The following BCL9 variants were observed in gnomAD, a reference collection of about 807,000 sequenced individuals.
BCL9 encodes BCL9 transcription coactivator, also known as B-cell CLL/lymphoma 9 protein.
BCL9 carries 25 observed loss-of-function variants against 88.5 expected under a neutral mutation model. The observed-to-expected ratio is 0.28, with a 90% CI of 0.21 to 0.39. The LOEUF is 0.39. BCL9 is among the 10% of genes least tolerant of loss of function. The pLI is 1.00. For missense variants in BCL9, 1,817 were observed against 1,877.8 expected (o/e 0.97, Z 0.60); for synonymous variants, 711 against 673.3 (o/e 1.06, Z -0.87).
intron 1 of BCL9, among the ~76,000 whole-genome samples, chr1:147,604,065 A>G (rs1657531033): frequency 6.6e-6 from 1 of 152,224 alleles, no homozygotes; most frequent in African/African-American, 2.4e-5. Context: ...GATATCTGCA[A>G]CAACTATGTG....
intron 7 of BCL9, among the ~76,000 whole-genome samples, chr1:147,616,485 T>C (rs1011133945): frequency 5.9e-5 from 9 of 152,194 alleles, no homozygotes; most frequent in African/African-American, 2.2e-4. Flanking sequence ...AAGCATACAG[T>C]GGCCGGGCGT....
intron 1 of BCL9, among the ~76,000 whole-genome samples, chr1:147,599,173 A>AC (rs1657192148): frequency 6.6e-6 from 1 of 152,112 alleles, no homozygotes; most frequent in Non-Finnish European, 1.5e-5. Context: ...AGACCCCTGC[A>AC]CCCCCGGCGC....
chr1:147,617,768 C>T (rs1195511842), intron 7 of BCL9, among the ~76,000 whole-genome samples: 2 of 152,108 alleles, frequency 1.3e-5, no homozygotes, highest in African/African-American at 2.4e-5. Flanking sequence ...CTGGATTAAG[C>T]GAACAAGTAG....
intron 1 of BCL9, among the ~76,000 whole-genome samples, chr1:147,593,104 G>A (rs1557841667): frequency 6.6e-6 from 1 of 152,108 alleles, no homozygotes; most frequent in African/African-American, 2.4e-5. Flanking sequence ...AGCAAGCAAG[G>A]TGCTGTCCCT....
chr1:147,614,402 G>C (rs782326842), intron 5 of BCL9, 25 bp from the exon 6 acceptor site: 1 of 1,608,530 alleles, frequency 6.2e-7, no homozygotes, highest in East Asian at 2.2e-5. Context: ...TATTCTTTCT[G>C]TGACGAGTCA....
At position 147,619,739 on chromosome 1, in the gene BCL9, T is replaced by C. The variant is rs1553204730; in HGVS notation, c.1584T>C (p.Pro528=). ...TGACCCCTAGTGAAGGCTGGGCACCTGGGGGTACAGAGCCATTTTCTGATG... is the reference window on the plus strand; with the variant it reads ...TGACCCCTAGTGAAGGCTGGGCACCCGGGGGTACAGAGCCATTTTCTGATG... ...YQMTPSEGWA[P]GGTEPFSDGI... Residue 528 remains proline, a synonymous_variant, in exon 8 of 10, where the codon CCT becomes CCC. Transcript: ENST00000234739. This position sits in a 1 kb window ranked among gnomAD's most constrained non-coding sequence, Gnocchi z 4.1. 6.2e-7 allele frequency: 1 copy of C among 1,613,986 alleles called. No homozygotes were observed. Among genetic ancestry groups the C allele is most frequent in the East Asian group, 2.2e-5 (1 of 44,856 alleles).
chr1:147,556,973 A>T (rs961864063), intron 1 of BCL9, among the ~76,000 whole-genome samples: 1 of 152,196 alleles, frequency 6.6e-6, no homozygotes, highest in East Asian at 1.9e-4. Context: ...GACCATACCA[A>T]CAAAAACAAA....
chr1:147,603,490 A>G, intron 1 of BCL9, among the ~76,000 whole-genome samples: 1 of 151,850 alleles, frequency 6.6e-6, no homozygotes, highest in East Asian at 1.9e-4. Context: ...GCTCTAGATC[A>G]GGGTTTTTTG....
At chr1:147,597,215 C>T (rs368471097) in intron 1 of BCL9, among the ~76,000 whole-genome samples, 4 of 152,020 alleles carry the variant, frequency 2.6e-5, no homozygotes, top group African/African-American at 4.8e-5. Flanking sequence ...TTATCAAGAA[C>T]GGAGGAAACA....
chr1:147,606,230 G>A (rs1042215154), intron 2 of BCL9, among the ~76,000 whole-genome samples: 2 of 152,132 alleles, frequency 1.3e-5, no homozygotes, highest in Non-Finnish European at 2.9e-5. Context: ...CACACAGTAG[G>A]CACTGAATAA....
intron 1 of BCL9, among the ~76,000 whole-genome samples, chr1:147,555,656 G>A (rs1655074280): frequency 6.6e-6 from 1 of 152,186 alleles, no homozygotes; most frequent in Non-Finnish European, 1.5e-5. Flanking sequence ...TTAGACTTCT[G>A]AGTCTCGTTT....
intron 1 of BCL9, among the ~76,000 whole-genome samples, chr1:147,568,775 G>A (rs587617946): frequency 2.6e-5 from 4 of 152,134 alleles, no homozygotes; most frequent in Admixed American, 6.5e-5. Flanking sequence ...GGCATTGGGC[G>A]TTCCAAAAGA....
At chr1:147,618,788 G>A (rs201959422) in intron 7 of BCL9, 28 bp from the exon 8 acceptor site, 5 of 1,496,032 alleles carry the variant, frequency 3.3e-6, no homozygotes, top group Admixed American at 4.7e-5. Flanking sequence ...GTTTACTAAT[G>A]ATTTTTAAAC....
At position 147,620,696 on chromosome 1, in the gene BCL9, T is replaced by G; in HGVS notation, c.2541T>G (p.Asp847Glu). 6.2e-7 allele frequency: 1 copy of G among 1,614,170 alleles called. No homozygotes were observed. Among genetic ancestry groups the G allele is most frequent in the South Asian group, 1.1e-5 (1 of 91,088 alleles). The change falls in exon 8 of 10, where the codon GAT (aspartate) becomes GAG (glutamate). Residue 847 changes from aspartate to glutamate, a missense_variant. By Grantham distance (45) the Asp-to-Glu change is conservative. This residue lies in a region of BCL9 where 1,228 missense variants were observed against 1,191.6 expected (regional missense o/e 1.03). Transcript: ENST00000234739. ...VQRGLGRKPL[D>E]ISVAGSQVHS... Reference sequence around the variant, plus strand: ...GCGGCCTGGGGCGGAAGCCCTTGGATATATCTGTGGCAGGCAGCCAGGTGC... The same window carrying G: ...GCGGCCTGGGGCGGAAGCCCTTGGAGATATCTGTGGCAGGCAGCCAGGTGC...
intron 1 of BCL9, among the ~76,000 whole-genome samples, chr1:147,577,109 A>G (rs989412335): frequency 1.6e-4 from 25 of 152,178 alleles, no homozygotes; most frequent in Non-Finnish European, 3.4e-4. Flanking sequence ...CCAAGAAATT[A>G]AAATAATTGA....
intron 1 of BCL9, among the ~76,000 whole-genome samples, chr1:147,579,811 G>A (rs587705261): frequency 2.0e-5 from 3 of 152,174 alleles, no homozygotes; most frequent in African/African-American, 4.8e-5. Context: ...GCTAAGTCTG[G>A]CAAATATTAA....
At chr1:147,599,992 C>T (rs1286554243) in intron 1 of BCL9, among the ~76,000 whole-genome samples, 1 of 151,130 alleles carries the variant, frequency 6.6e-6, no homozygotes, top group South Asian at 2.1e-4. Flanking sequence ...TCCCGGTTCC[C>T]CGCGGGCGGG....
intron 1 of BCL9, among the ~76,000 whole-genome samples, chr1:147,548,468 G>A (rs1292322778): frequency 6.6e-6 from 1 of 152,118 alleles, no homozygotes; most frequent in Non-Finnish European, 1.5e-5. Flanking sequence ...TTTCTTCTGG[G>A]AAGTTTCCTG....
intron 1 of BCL9, among the ~76,000 whole-genome samples, chr1:147,572,054 A>G (rs2101530975): frequency 6.8e-6 from 1 of 147,940 alleles, no homozygotes; most frequent in South Asian, 2.2e-4. Flanking sequence ...CCTGGCTAAC[A>G]CGGTGAAACC....
Sources: gnomAD v4.1 joint callset for allele counts (sites outside exome capture counted in the v4.1 genomes callset) on GRCh38, gnomAD v4.1.1 for gene constraint, gnomAD v4.1.1 regional missense constraint, Gnocchi (gnomAD v3.1) non-coding constraint, MANE v1.5 for transcripts, NCBI Gene and HGNC (gene_info 2026-07-23, HGNC 2026-07-21) for gene names.